Variants in KLHL8 observed in about 807,000 individuals in gnomAD.
KLHL8 encodes kelch like family member 8.
In KLHL8, 38 loss-of-function variants were observed where a neutral mutation model predicts 63.5. The ratio of observed to expected loss-of-function variants is 0.60; its 90% CI spans 0.46 to 0.78. The LOEUF is 0.78. Ranked by LOEUF, KLHL8 falls within the 30% of genes least tolerant of loss-of-function variation. KLHL8 has a pLI of 0.00. For synonymous variants in KLHL8, 224 were observed against 254.3 expected (o/e 0.88, Z 1.13); for missense variants, 566 against 752.4 (o/e 0.75, Z 2.90).
In KLHL8 at chr4:87,197,420, C is replaced by CA. The variant is rs1051538118; in HGVS notation, c.-151-1731dup. Among the ~76,000 whole-genome samples the CA allele has an allele frequency of 2.9e-4, 44 of 152,170 alleles. 1 individual carries two copies. The highest frequency in any genetic ancestry group is 8.8e-5 in the Non-Finnish European group (6 of 68,024). ...GACAGTCAATAAAAAGCCAGGCCCTCAGTCATACAGCTCCAAGGAAATGAA... is the reference window on the plus strand; with the variant it reads ...GACAGTCAATAAAAAGCCAGGCCCTCAAGTCATACAGCTCCAAGGAAATGAA... On this transcript the variant is annotated intron_variant, in intron 1 of 9. Transcript: ENST00000273963.
At chr4:87,170,671 T>C (rs1730603275) in intron 6 of KLHL8, 56 bp from the exon 7 acceptor site, 7 of 1,490,812 alleles carry the variant, frequency 4.7e-6, no homozygotes, top group Middle Eastern at 1.7e-4. Context: ...GGAAAAAAAG[T>C]CATATAAAAA....
intron 1 of KLHL8, among the ~76,000 whole-genome samples, chr4:87,239,882 A>T (rs1157824241): frequency 6.6e-6 from 1 of 152,132 alleles, no homozygotes; most frequent in Non-Finnish European, 1.5e-5. Flanking sequence ...CAGCCTCCAG[A>T]TTCTTCCCTC....
chr4:87,220,105 G>GGCTGACAGAGCCAT (rs1238715814), intron 1 of KLHL8: 3 of 152,654 alleles, frequency 2.0e-5, no homozygotes, highest in African/African-American at 7.2e-5. Context: ...GACAGAGCCA[G>GGCTGACAGAGCCAT]AGGCTGGAGC....
chr4:87,187,407 T>C (rs1428186458), intron 2 of KLHL8, among the ~76,000 whole-genome samples: 14 of 151,890 alleles, frequency 9.2e-5, no homozygotes, highest in Admixed American at 9.2e-4. Context: ...TTTTTTTTCT[T>C]TTTTGCTCTT....
At chr4:87,179,571 T>C (rs1394544817) in intron 4 of KLHL8, among the ~76,000 whole-genome samples, 1 of 151,848 alleles carries the variant, frequency 6.6e-6, no homozygotes, top group Non-Finnish European at 1.5e-5. Context: ...GGCCAGGAGG[T>C]GGAAACCAGC....
chr4:87,188,618 C>G (rs2110000404), intron 2 of KLHL8, among the ~76,000 whole-genome samples: 1 of 152,254 alleles, frequency 6.6e-6, no homozygotes, highest in East Asian at 1.9e-4. Flanking sequence ...TAAATAGGAA[C>G]AGCCAAAAAT....
intron 1 of KLHL8, chr4:87,207,716 C>A: frequency 1.1e-6 from 1 of 883,626 alleles, no homozygotes; most frequent in East Asian, 2.4e-5. Flanking sequence ...CCTGCCTCTA[C>A]TGGTGCTGCC....
At chr4:87,163,831 A>G (rs751493919) in intron 9 of KLHL8, 47 bp downstream of exon 9, 13 of 1,574,310 alleles carry the variant, frequency 8.3e-6, no homozygotes, top group African/African-American at 1.3e-5. Flanking sequence ...GTAATCTACT[A>G]TTATACCAGA....
In KLHL8 at chr4:87,217,735, T is replaced by C. The variant is rs553797430; in HGVS notation, c.-152+2683A>G. ...AACTCCTGGGCTCAAGCAATCCTCCTGCCTTGACCTCCCAAATTGCAGTTA... is the reference window on the plus strand; with the variant it reads ...AACTCCTGGGCTCAAGCAATCCTCCCGCCTTGACCTCCCAAATTGCAGTTA... On this transcript the variant is annotated intron_variant, in intron 1 of 9. Coordinates refer to ENST00000273963, the MANE Select transcript of KLHL8 (RefSeq NM_020803.5). Among the ~76,000 whole-genome samples, 331 of 150,848 alleles carry C rather than the reference T, an allele frequency of 2.2e-3. 2 individuals carry two copies. Among genetic ancestry groups the C allele is most frequent in the Non-Finnish European group, 3.6e-3 (246 of 67,744 alleles).
chr4:87,209,972 G>A lies in KLHL8; in HGVS notation c.-152+10446C>T, dbSNP rs369227842. Among the ~76,000 whole-genome samples, 4 of 150,596 alleles carry A rather than the reference G, an allele frequency of 2.7e-5. No homozygotes were observed. The East Asian group carries it at 6.0e-4, about 22-fold the overall frequency. On this transcript the variant is annotated intron_variant, in intron 1 of 9. Coordinates refer to ENST00000273963, the MANE Select transcript of KLHL8 (RefSeq NM_020803.5). ...GGGCTCAAGCCATCCTCCCACCTCA[G>A]CCTTCTGAGTAGCTGGGACTACATA...
Position 87,175,440 on chromosome 4 carries a change from CT to C in KLHL8, c.1208+1316del, listed in dbSNP as rs1262545513. Among the ~76,000 whole-genome samples, 3 of 152,146 alleles carry C rather than the reference CT, an allele frequency of 2.0e-5. No individual in the cohort carries two copies. In the East Asian group the frequency reaches 5.8e-4, roughly 29 times the overall value. The stretch of plus-strand genomic sequence containing the variant: ...TTCTCCATATGAAACAATCAAAAAC[CT>C]GATTTCCCACCATGTTATGTTGTAC... On this transcript the variant is annotated intron_variant, in intron 6 of 9. Coordinates refer to ENST00000273963, the MANE Select transcript of KLHL8 (RefSeq NM_020803.5).
chr4:87,191,340 G>A (rs1254379455), intron 2 of KLHL8, among the ~76,000 whole-genome samples: 1 of 152,024 alleles, frequency 6.6e-6, no homozygotes, highest in African/African-American at 2.4e-5. Flanking sequence ...GTGATGGTGT[G>A]CACCTGTAGT....
At position 87,205,485 on chromosome 4, in the gene KLHL8, C is replaced by T. The variant is rs1442377233; in HGVS notation, c.-151-9795G>A. 4.6e-5 allele frequency among the ~76,000 whole-genome samples: 7 copies of T among 152,280 alleles called. No homozygotes were observed. In the South Asian group the frequency reaches 6.2e-4, roughly 14 times the overall value. On this transcript the variant is annotated intron_variant, in intron 1 of 9. Coordinates refer to ENST00000273963, the MANE Select transcript of KLHL8 (RefSeq NM_020803.5). Reference sequence around the variant, plus strand: ...GATAGAAAACACTATCTGCCGTCATCGTTCTAATTGCATGTAAATTAAATC... The same window carrying T: ...GATAGAAAACACTATCTGCCGTCATTGTTCTAATTGCATGTAAATTAAATC...
At chr4:87,226,302 C>T (rs928910205) in intron 1 of KLHL8, among the ~76,000 whole-genome samples, 6 of 151,934 alleles carry the variant, frequency 3.9e-5, no homozygotes, top group Non-Finnish European at 8.8e-5. Context: ...ATGGCTCACG[C>T]CTGTAATCCC....
At chr4:87,189,257 C>T (rs1731383165) in intron 2 of KLHL8, among the ~76,000 whole-genome samples, 1 of 152,192 alleles carries the variant, frequency 6.6e-6, no homozygotes, top group Admixed American at 6.5e-5. Flanking sequence ...TCTGTTTACA[C>T]AACCAGTTAG....
chr4:87,234,968 A>G (rs1429853879), intron 1 of KLHL8, among the ~76,000 whole-genome samples: 3 of 152,240 alleles, frequency 2.0e-5, no homozygotes. Flanking sequence ...GAATACAGAT[A>G]CAAAGAAAGA....
chr4:87,235,590 AACTAC>A, intron 1 of KLHL8, among the ~76,000 whole-genome samples: 1 of 152,294 alleles, frequency 6.6e-6, no homozygotes, highest in Admixed American at 6.5e-5. Context: ...GAATTGAATA[AACTAC>A]ACTTTGGGGG....
At chr4:87,224,939 G>A (rs1451420130), upstream of KLHL8, among the ~76,000 whole-genome samples, 2 of 152,002 alleles carry the variant, frequency 1.3e-5, no homozygotes, top group Non-Finnish European at 2.9e-5. Flanking sequence ...GATGGATGGG[G>A]TGGAGTTTGG....
chr4:87,194,322 A>T lies in KLHL8; in HGVS notation c.216+1002T>A, dbSNP rs987538842. Among the ~76,000 whole-genome samples the T allele has an allele frequency of 5.3e-5, 8 of 152,306 alleles. No individual in the cohort carries two copies. The East Asian group carries it at 1.3e-3, about 26-fold the overall frequency. ...AAACAGAGAGGGCAGCCCTCACCAG[A>T]CACCAAACTTGCTGGTACCTTGATT... On this transcript the variant is annotated intron_variant, in intron 2 of 9. Coordinates refer to ENST00000273963, the MANE Select transcript of KLHL8 (RefSeq NM_020803.5).
Sources: allele counts gnomAD v4.1 joint callset (sites outside exome capture counted in the v4.1 genomes callset), GRCh38; gene constraint gnomAD v4.1.1; transcripts MANE v1.5; gene names NCBI Gene and HGNC (gene_info 2026-07-23, HGNC 2026-07-21).